The following RAD9A variants were observed in gnomAD, a reference collection of about 807,000 sequenced individuals.
The protein encoded by RAD9A is cell cycle checkpoint control protein RAD9A.
Under a neutral mutation model 41.2 loss-of-function variants are expected in RAD9A, and 25 were observed. The observed-to-expected ratio is 0.61, with a 90% confidence interval of 0.44 to 0.85. The LOEUF is 0.85. Among genes scored for constraint, RAD9A ranks in the 40% least tolerant of loss-of-function variants. RAD9A has a pLI of 0.00. For missense variants in RAD9A, 514 were observed against 518.3 expected (o/e 0.99, Z 0.08); for synonymous variants, 252 against 210.6 (o/e 1.20, Z -1.70).
At position 67,397,800 on chromosome 11, in the gene RAD9A, C is replaced by CA. The variant is rs1458407405; in HGVS notation, c.*241_*242insA. ...AGGACTTTCCAGACTTGGCCCTGAA[C>CA]TACTGACGTTCCTACCTCTTATTTC... On this transcript the variant is annotated 3_prime_UTR_variant, in exon 11 of 11. Coordinates refer to ENST00000307980, the MANE Select transcript of RAD9A (RefSeq NM_004584.3). 3.7e-6 allele frequency: 2 copies of CA among 536,168 alleles called. No homozygotes were observed. The highest frequency in any genetic ancestry group is 3.8e-5 in the African/African-American group (2 of 51,974). The allele number at this position is 536,168 out of a possible 1,614,324, so 33.2% of individuals were successfully genotyped here.
chr11:67,392,529 G>A, intron 2 of RAD9A, 125 bp from the exon 3 acceptor site: 3 of 1,372,756 alleles, frequency 2.2e-6, no homozygotes, highest in Non-Finnish European at 3.0e-6. Flanking sequence ...GGGAAAGGAG[G>A]GTTTTTCAGC....
chr11:67,393,506 C>G lies in RAD9A; in HGVS notation c.245C>G (p.Ser82Cys). Reference protein sequence around the residue: ...RCKILMKSFLSVFRSLAMLEK... With the variant: ...RCKILMKSFLCVFRSLAMLEK... ...TCTTATCCCATGCAGTCTTTCCTGT[C>G]TGTCTTCCGCTCACTGGCGATGCTG... Residue 82 changes from serine to cysteine, a missense_variant, in exon 4 of 11, where the codon TCT becomes TGT. Physicochemically the swap from Ser to Cys is moderately radical, Grantham distance 112. Around this residue, in one of 3 missense-constraint regions of RAD9A, gnomAD observed 268 missense variants for 279.3 expected, o/e 0.96. Coordinates refer to ENST00000307980, the MANE Select transcript of RAD9A (RefSeq NM_004584.3). The G allele has an allele frequency of 6.2e-7, 1 of 1,614,182 alleles. No individual in the cohort carries two copies. Among genetic ancestry groups the G allele is most frequent in the South Asian group, 1.1e-5 (1 of 91,086 alleles).
At chr11:67,397,087 C>G in intron 9 of RAD9A, 92 bp from the exon 10 acceptor site, 2 of 910,010 alleles carry the variant, frequency 2.2e-6, no homozygotes, top group Non-Finnish European at 3.5e-6. Context: ...CTCCAGTGGT[C>G]GGGGGCCCCA....
Position 67,393,780 on chromosome 11 carries a change from G to GC in RAD9A, c.443dup (p.Ala149SerfsTer17). 5.6e-6 allele frequency: 9 copies of GC among 1,606,290 alleles called. No individual in the cohort carries two copies. The highest frequency in any genetic ancestry group is 7.6e-6 in the Non-Finnish European group (9 of 1,176,844). ...AGCCTCGTGCCCCCACATGCTCCGC[G>GC]CCCCAGCACGGTGAGCACACCCCTG... On this transcript the variant is annotated frameshift_variant, in exon 5 of 11. Transcript: ENST00000307980. LOFTEE classifies it high-confidence loss of function.
At chr11:67,392,376 C>T (rs17878505) in intron 2 of RAD9A, 145 bp downstream of exon 2, 3 of 894,660 alleles carry the variant, frequency 3.4e-6, no homozygotes, top group South Asian at 1.8e-5. Context: ...CTGTCATCTT[C>T]CCAGGCCGGT....
rs1208515624 is a variant in RAD9A at position 67,393,796 on chromosome 11, C to T, written c.449+6C>T. 6.3e-7 allele frequency: 1 copy of T among 1,594,456 alleles called. No individual in the cohort carries two copies. The highest frequency in any genetic ancestry group is 1.7e-5 in the Admixed American group (1 of 58,776). On this transcript the variant is annotated splice_donor_region_variant and intron_variant, in intron 5 of 10. Transcript: ENST00000307980. ...ATGCTCCGCGCCCCAGCACGGTGAG[C>T]ACACCCCTGCCCTCAGCTCAGCCCC...
At position 67,392,796 on chromosome 11, in the gene RAD9A, C is replaced by G; in HGVS notation, c.234+14C>G. The G allele has an allele frequency of 6.2e-7, 1 of 1,613,558 alleles. No homozygotes were observed. The highest frequency in any genetic ancestry group is 8.5e-7 in the Non-Finnish European group (1 of 1,179,632). On this transcript the variant is annotated intron_variant, in intron 3 of 10. Coordinates refer to ENST00000307980, the MANE Select transcript of RAD9A (RefSeq NM_004584.3). ...ATCCTGATGAAGGTGAGGCCCTTCC[C>G]TCAGCAGTGGCACTACTCCACCCCA...
rs752626906 is a variant in RAD9A, at chr11:67,397,345, G to T, written c.1039G>T (p.Ala347Ser). ...PGPHSEEEDE[A>S]EPSTVPGTPP... ...TCCCCACTCCGAGGAGGAAGATGAGGCTGAGCCCAGTACAGTGCCTGGGAC... is the reference window on the plus strand; with the variant it reads ...TCCCCACTCCGAGGAGGAAGATGAGTCTGAGCCCAGTACAGTGCCTGGGAC... Residue 347 changes from alanine (A) to serine (S), a missense_variant, in exon 10 of 11, where the codon GCT becomes TCT. Physicochemically the swap from Ala to Ser is moderately conservative, Grantham distance 99. Transcript: ENST00000307980. 1.2e-6 allele frequency: 2 copies of T among 1,601,184 alleles called. No homozygotes were observed. Among genetic ancestry groups the T allele is most frequent in the Admixed American group, 1.7e-5 (1 of 57,956 alleles).
At chr11:67,396,935 GTAGCCCCCGGGATGCC>G (rs1323409755) in intron 9 of RAD9A, among the ~76,000 whole-genome samples, 1 of 152,166 alleles carries the variant, frequency 6.6e-6, no homozygotes, top group Non-Finnish European at 1.5e-5. Flanking sequence ...CTGAGCTAAG[GTAGCCCCCGGGATGCC>G]TCCCTCAGGC....
Position 67,398,275 on chromosome 11 carries a change from C to T in RAD9A, c.*716C>T, listed in dbSNP as rs532870769. 16 of 514,728 alleles carry T rather than the reference C, an allele frequency of 3.1e-5. No individual in the cohort carries two copies. Among genetic ancestry groups the T allele is most frequent in the African/African-American group, 5.7e-5 (3 of 52,284 alleles). The allele number at this position is 514,728 out of a possible 1,614,324, so 31.9% of individuals were successfully genotyped here. On this transcript the variant is annotated 3_prime_UTR_variant, in exon 11 of 11. Coordinates refer to ENST00000307980, the MANE Select transcript of RAD9A (RefSeq NM_004584.3). ...GAGGCCAAGCACGGCTGGAGACCCA[C>T]GACCTGGCCTGCCGTTGCCCTGAGC...
chr11:67,393,390 T>C (rs1862589195), intron 3 of RAD9A, 106 bp from the exon 4 acceptor site: 2 of 1,495,862 alleles, frequency 1.3e-6, no homozygotes, highest in Non-Finnish European at 1.8e-6. Flanking sequence ...TGGGAGCCCT[T>C]TTCCCAGAGT....
At chr11:67,394,198 C>G (rs1440003458) in intron 5 of RAD9A, among the ~76,000 whole-genome samples, 1 of 152,250 alleles carries the variant, frequency 6.6e-6, no homozygotes, top group Non-Finnish European at 1.5e-5. Context: ...CTTCTCCGGC[C>G]TGGGCATCCT....
rs766143352 is a variant in RAD9A at position 67,396,068 on chromosome 11, T to TCAGCC, written c.670-36_670-32dup. ...CGCCGTCCTGTCCTCCCTGCCCAGCTCAGCCCAGCCCGGGGCCTCACCTGC... is the reference window on the plus strand; with the variant it reads ...CGCCGTCCTGTCCTCCCTGCCCAGCTCAGCCCAGCCCAGCCCGGGGCCTCACCTGC... On this transcript the variant is annotated intron_variant, in intron 7 of 10. Transcript: ENST00000307980. 23 of 1,613,174 alleles carry TCAGCC rather than the reference T, an allele frequency of 1.4e-5. No individual in the cohort carries two copies. In the Admixed American group the frequency reaches 1.7e-4, roughly 12 times the overall value.
rs745839428 is a variant in RAD9A at position 67,392,713 on chromosome 11, G to A, written c.165G>A (p.Pro55=). The A allele has an allele frequency of 1.9e-6, 3 of 1,613,916 alleles. No homozygotes were observed. The highest frequency in any genetic ancestry group is 1.1e-5 in the South Asian group (1 of 91,082). Residue 55 remains proline (P), a synonymous_variant, in exon 3 of 11, where the codon CCG becomes CCA. Transcript: ENST00000307980. Reference sequence around the variant, plus strand: ...CCTATGCCTGCTTTCTCTTTGCCCCGCTCTTCTTCCAGCAATACCAGGCAG... The same window carrying A: ...CCTATGCCTGCTTTCTCTTTGCCCCACTCTTCTTCCAGCAATACCAGGCAG... The part of the protein sequence containing the change: ...RSAYACFLFA[P]LFFQQYQAAT...
intron 9 of RAD9A, 62 bp from the exon 10 acceptor site, chr11:67,397,117 C>A: frequency 7.4e-7 from 1 of 1,358,666 alleles, no homozygotes; most frequent in Non-Finnish European, 1.0e-6. Flanking sequence ...TCGAGCCCTC[C>A]AAGGTGGGGC....
At chr11:67,392,111 A>G in intron 1 of RAD9A, 33 bp downstream of exon 1, 1 of 1,605,244 alleles carries the variant, frequency 6.2e-7, no homozygotes, top group African/African-American at 1.3e-5. Context: ...GCGGCGGTGC[A>G]GCAGCCGCGG....
chr11:67,397,628 G>A lies in RAD9A; in HGVS notation c.*69G>A, dbSNP rs1590933576. ...AAGCCCCAGCCAGTGGCAGAACTGG[G>A]TCTCTCAGCCCTGGGGATCAGAAAG... is the stretch of plus-strand genomic sequence containing the variant. On this transcript the variant is annotated 3_prime_UTR_variant, in exon 11 of 11. Coordinates refer to ENST00000307980, the MANE Select transcript of RAD9A (RefSeq NM_004584.3). The A allele has an allele frequency of 5.8e-6, 8 of 1,379,628 alleles. No individual in the cohort carries two copies. In the East Asian group the frequency reaches 1.9e-4, roughly 33 times the overall value. 85.5% of individuals were successfully genotyped at this position (1,379,628 alleles called of 1,614,324 possible). A position where few individuals can be genotyped will look rare whatever the true frequency, so the allele number is the denominator to read the frequency against.
intron 3 of RAD9A, chr11:67,393,007 C>T: frequency 3.1e-6 from 2 of 637,696 alleles, no homozygotes; most frequent in East Asian, 4.0e-5. Flanking sequence ...TTTGGCCGGG[C>T]GCGGTGGCTC....
rs1862761674 is a variant in RAD9A, at chr11:67,397,821, A to G, written c.*262A>G. 1 of 480,028 alleles carries G rather than the reference A, an allele frequency of 2.1e-6. No individual in the cohort carries two copies. The highest frequency in any genetic ancestry group is 3.7e-5 in the East Asian group (1 of 27,340). The allele number at this position is 480,028 out of a possible 1,614,324, so 29.7% of individuals were successfully genotyped here. On this transcript the variant is annotated 3_prime_UTR_variant, in exon 11 of 11. Transcript: ENST00000307980. The stretch of plus-strand genomic sequence containing the variant: ...TGAACTACTGACGTTCCTACCTCTT[A>G]TTTCTCATTGAGCCTCAGGCTATAC...
Sources: gnomAD v4.1 joint callset for allele counts (sites outside exome capture counted in the v4.1 genomes callset) on GRCh38, gnomAD v4.1.1 for gene constraint, gnomAD v4.1.1 regional missense constraint, MANE v1.5 for transcripts, NCBI Gene and HGNC (gene_info 2026-07-23, HGNC 2026-07-21) for gene names.